Variants in SP2 observed in about 807,000 individuals in gnomAD.
SP2 encodes the protein Sp2 transcription factor.
A neutral mutation model predicts 50.1 loss-of-function variants in SP2; 9 were observed. The observed-to-expected ratio is 0.18, with a 90% CI of 0.11 to 0.31. The LOEUF is 0.31. SP2 is among the 10% of genes least tolerant of loss of function. SP2 has a pLI of 1.00. For synonymous variants in SP2, 313 were observed against 326.6 expected (o/e 0.96, Z 0.45); for missense variants, 581 against 806.5 (o/e 0.72, Z 3.39).
At position 47,916,190 on chromosome 17, in the gene SP2, C is replaced by T; in HGVS notation, c.119C>T (p.Ala40Val). The T allele has an allele frequency of 6.2e-7, 1 of 1,613,164 alleles. No homozygotes were observed. The highest frequency in any genetic ancestry group is 8.5e-7 in the Non-Finnish European group (1 of 1,179,480). ...CCATCTCCCTTAGCCCTGCTTGCTG[C>T]AACATGTAGCAAAATTGGCCCTCCA... ...SQPSPLALLA[A>V]TCSKIGPPAV... is the part of the protein sequence containing the mutation. The change falls in exon 3 of 7, where the codon GCA becomes GTA. Residue 40 changes from alanine (A) to valine (V), a missense_variant. Ala to Val is a moderately conservative substitution (Grantham distance 64, BLOSUM62 0). Transcript: ENST00000376741. The surrounding 1 kb of genome is among the most constrained non-coding windows in gnomAD (Gnocchi z 4.7).
chr17:47,913,646 G>A (rs543560962), intron 1 of SP2, among the ~76,000 whole-genome samples: 2 of 152,204 alleles, frequency 1.3e-5, no homozygotes, highest in South Asian at 2.1e-4. Flanking sequence ...GGGTTCAAGC[G>A]ATCTTCCCAC....
At chr17:47,903,477 C>T (rs891268402) in intron 1 of SP2, among the ~76,000 whole-genome samples, 5 of 148,880 alleles carry the variant, frequency 3.4e-5, no homozygotes, top group East Asian at 2.0e-4. Context: ...ACCAGCCTGG[C>T]GAACATGGTG....
intron 3 of SP2, chr17:47,918,372 AG>A (rs1482732802): frequency 3.9e-5 from 6 of 152,274 alleles, no homozygotes; most frequent in African/African-American, 1.4e-4. Flanking sequence ...CCTACCCTAC[AG>A]GTGATATTTT....
chr17:47,905,529 A>G (rs570991911), intron 1 of SP2, among the ~76,000 whole-genome samples: 2 of 152,322 alleles, frequency 1.3e-5, no homozygotes, highest in African/African-American at 4.8e-5. Flanking sequence ...CCTAAAGCCT[A>G]CTGTTGTGGT....
chr17:47,927,779 C>T lies in SP2; in HGVS notation c.1797C>T (p.His599=). The T allele has an allele frequency of 1.3e-6, 2 of 1,599,644 alleles. No individual in the cohort carries two copies. Among genetic ancestry groups the T allele is most frequent in the Non-Finnish European group, 8.5e-7 (1 of 1,172,948 alleles). ...AGAAGCGCTTCATGAGGAGTGACCA[C>T]CTCACCAAGCATTACAAGACCCACC... ...QCQKRFMRSD[H]LTKHYKTHLV... The change falls in exon 7 of 7, where the codon CAC becomes CAT. Residue 599 remains histidine, a synonymous_variant. Transcript: ENST00000376741.
At chr17:47,924,057 C>G (rs1293193138) in intron 4 of SP2, among the ~76,000 whole-genome samples, 1 of 152,018 alleles carries the variant, frequency 6.6e-6, no homozygotes, top group Non-Finnish European at 1.5e-5. Context: ...TGAGGTGACC[C>G]CCAAGAGGAT....
At chr17:47,917,332 T>C (rs574053774) in intron 3 of SP2, among the ~76,000 whole-genome samples, 22 of 152,340 alleles carry the variant, frequency 1.4e-4, no homozygotes, top group African/African-American at 4.1e-4. Context: ...TCTTTAGAAA[T>C]TGATGAAACA....
intron 1 of SP2, among the ~76,000 whole-genome samples, chr17:47,903,658 G>A (rs1431169709): frequency 6.6e-6 from 1 of 150,902 alleles, no homozygotes; most frequent in Non-Finnish European, 1.5e-5. Context: ...CAACACGGAT[G>A]ACGTGGTTTA....
chr17:47,896,522 C>T (rs1350572645), intron 1 of SP2, among the ~76,000 whole-genome samples: 3 of 151,956 alleles, frequency 2.0e-5, no homozygotes, highest in African/African-American at 4.8e-5. Context: ...ACTCCCCGCC[C>T]CCTCGGAGCC....
chr17:47,896,443 G>A (rs2143721129), intron 1 of SP2, 150 bp downstream of exon 1: 2 of 588,228 alleles, frequency 3.4e-6, no homozygotes, highest in Non-Finnish European at 5.0e-6. Context: ...GGCGGGGGAG[G>A]GAGGATTCCC....
chr17:47,905,463 C>A (rs1430506477), intron 1 of SP2, among the ~76,000 whole-genome samples: 1 of 152,206 alleles, frequency 6.6e-6, no homozygotes, highest in Non-Finnish European at 1.5e-5. Flanking sequence ...AGCCGAGTTA[C>A]CCCCAAGGCC....
Position 47,925,561 on chromosome 17 carries a change from G to T in SP2, c.1741+20G>T. On this transcript the variant is annotated intron_variant, in intron 6 of 6. Coordinates refer to ENST00000376741, the MANE Select transcript of SP2 (RefSeq NM_003110.6). ...ACACAGGTCAGCCCCCTGCCTTCGG[G>T]ACCCTCCACCCACAGAGGTCAAATT... 6.2e-7 allele frequency: 1 copy of T among 1,601,898 alleles called. No individual in the cohort carries two copies.
intron 6 of SP2, 68 bp downstream of exon 6, chr17:47,925,609 C>T: frequency 1.5e-6 from 2 of 1,295,700 alleles, no homozygotes; most frequent in Non-Finnish European, 2.2e-6. Context: ...CCCACCCCCA[C>T]TCTACCGGCT....
chr17:47,905,164 A>T (rs988167036), intron 1 of SP2, among the ~76,000 whole-genome samples: 1 of 152,178 alleles, frequency 6.6e-6, no homozygotes, highest in Non-Finnish European at 1.5e-5. Flanking sequence ...TGCTTTCTTC[A>T]TCCAAATGGA....
rs78821737 is a variant in SP2 at position 47,905,708 on chromosome 17, C to T, written c.7+9415C>T. ...AAGACCGTGGGACAGGGACACACTC[C>T]CAGCTCTGTGTTGATGGGACAGTGC... On this transcript the variant is annotated intron_variant, in intron 1 of 6. Transcript: ENST00000376741. 2.9e-3 allele frequency among the ~76,000 whole-genome samples: 441 copies of T among 152,280 alleles called. 3 individuals are homozygous for T. Among genetic ancestry groups the T allele is most frequent in the African/African-American group, 9.7e-3 (405 of 41,556 alleles).
Position 47,922,906 on chromosome 17 carries a change from G to A in SP2, c.1060-56G>A, listed in dbSNP as rs559551268. On this transcript the variant is annotated intron_variant, in intron 3 of 6. Coordinates refer to ENST00000376741, the MANE Select transcript of SP2 (RefSeq NM_003110.6). ...CTCACTTGGGCAGGGACATTTGAAG[G>A]CCCCAGGAACCTAGTCTCTTCCAGG... The A allele has an allele frequency of 1.2e-4, 175 of 1,495,868 alleles. 1 individual carries two copies. The South Asian group carries it at 1.3e-3, about 11-fold the overall frequency. The allele number at this position is 1,495,868 out of a possible 1,614,324, so 92.7% of individuals were successfully genotyped here. A position where few individuals can be genotyped will look rare whatever the true frequency, so the allele number is the denominator to read the frequency against.
At chr17:47,915,266 C>T in intron 1 of SP2, 46 bp from the exon 2 acceptor site, 2 of 1,363,072 alleles carry the variant, frequency 1.5e-6, no homozygotes, top group South Asian at 1.3e-5. Flanking sequence ...GGCTTGCGTT[C>T]TTTTTGGGCA....
At chr17:47,903,021 G>T (rs1323090377) in intron 1 of SP2, among the ~76,000 whole-genome samples, 1 of 152,242 alleles carries the variant, frequency 6.6e-6, no homozygotes, top group Non-Finnish European at 1.5e-5. Context: ...CGCCCAAAGT[G>T]CTGGGATTAC....
At chr17:47,901,588 C>T (rs1039462053) in intron 1 of SP2, among the ~76,000 whole-genome samples, 1 of 152,112 alleles carries the variant, frequency 6.6e-6, no homozygotes, top group Non-Finnish European at 1.5e-5. Flanking sequence ...TTGAGAGAAG[C>T]ATTGAAATGC....
Sources: allele counts gnomAD v4.1 joint callset (sites outside exome capture counted in the v4.1 genomes callset), GRCh38; gene constraint gnomAD v4.1.1; non-coding constraint Gnocchi (gnomAD v3.1); transcripts MANE v1.5; gene names NCBI Gene and HGNC (gene_info 2026-07-23, HGNC 2026-07-21).